The following RECQL5 variants were observed in gnomAD, a reference collection of about 807,000 sequenced individuals.
The protein encoded by RECQL5 is RecQ like helicase 5.
A neutral mutation model predicts 103.4 loss-of-function variants in RECQL5; 88 were observed. The ratio of observed to expected loss-of-function variants is 0.85; its 90% CI spans 0.72 to 1.02. The LOEUF (loss-of-function observed/expected upper bound fraction) is 1.02. Ranked by LOEUF, RECQL5 falls within the 50% of genes least tolerant of loss-of-function variation. The pLI, the probability that RECQL5 is intolerant of heterozygous loss-of-function variation, is 0.00. For missense variants in RECQL5, 1,232 were observed against 1,284.3 expected, an observed-to-expected ratio of 0.96 and a Z score of 0.62; for synonymous variants, 552 against 507.9, an observed-to-expected ratio of 1.09 and a Z score of -1.17.
intron 8 of RECQL5, chr17:75,646,323 C>T (rs2059488577): frequency 6.6e-6 from 1 of 152,428 alleles, no homozygotes; most frequent in Admixed American, 6.5e-5. Context: ...CGGGGCAGGT[C>T]CGCAGTCCAC....
chr17:75,659,144 C>A (rs977297553), intron 6 of RECQL5, among the ~76,000 whole-genome samples: 1 of 152,086 alleles, frequency 6.6e-6, no homozygotes, highest in Non-Finnish European at 1.5e-5. Context: ...TCACTGCAAC[C>A]TCCACCTCCC....
rs576340637 is a variant in RECQL5 at position 75,656,957 on chromosome 17, G to T, written c.1149+1341C>A. ...GACGGGGTTTCACCGTGTTAGTCAG[G>T]ATCGTCTTGATCTCCTGACCTCGTG... On this transcript the variant is annotated intron_variant, in intron 7 of 19. Transcript: ENST00000317905. Among the ~76,000 whole-genome samples, 210 of 152,166 alleles carry T rather than the reference G, an allele frequency of 1.4e-3. 2 individuals carry two copies. The highest frequency in any genetic ancestry group is 4.7e-3 in the African/African-American group (197 of 41,528).
At chr17:75,651,336 A>G in intron 7 of RECQL5, 71 bp from the exon 8 acceptor site, 1 of 1,575,804 alleles carries the variant, frequency 6.3e-7, no homozygotes, top group Non-Finnish European at 8.7e-7. Flanking sequence ...AAAAGTAATG[A>G]GGAGGCCGAG....
At chr17:75,633,311 G>A (rs577498565) in intron 8 of RECQL5, 3 of 585,344 alleles carry the variant, frequency 5.1e-6, no homozygotes, top group Admixed American at 3.9e-5. Flanking sequence ...CATTGACAGC[G>A]GGGCTGGGGT....
intron 8 of RECQL5, chr17:75,637,429 T>G (rs752921628): frequency 2.0e-5 from 3 of 152,258 alleles, no homozygotes; most frequent in Non-Finnish European, 2.9e-5. Context: ...ACTGTCGGCA[T>G]TGTCGTCCCT....
chr17:75,657,276 T>C (rs2059636034), intron 7 of RECQL5, among the ~76,000 whole-genome samples: 1 of 152,080 alleles, frequency 6.6e-6, no homozygotes, highest in Admixed American at 6.5e-5. Context: ...TCCCAGCGAC[T>C]TGAGAGGCAG....
chr17:75,628,354 C>A lies in RECQL5; in HGVS notation c.2669G>T (p.Ser890Ile), dbSNP rs928380682. 5 of 1,613,920 alleles carry A rather than the reference C, an allele frequency of 3.1e-6. No individual in the cohort carries two copies. In the African/African-American group the frequency reaches 4.0e-5, roughly 13 times the overall value. ...CGTGGGATTCAAGGTGCCCTGTTCG[C>A]TGGCCGAGACGCTGCCCTTGACCTC... ...VAEVKGSVSA[S>I]EQGTLNPTAQ... The change falls in exon 18 of 20, where the codon AGC (serine) becomes ATC (isoleucine). Residue 890 changes from serine (S) to isoleucine (I), a missense_variant. Coordinates refer to ENST00000317905, the MANE Select transcript of RECQL5 (RefSeq NM_004259.7).
At position 75,666,509 on chromosome 17, in the gene RECQL5, G is replaced by C; in HGVS notation, c.49C>G (p.Arg17Gly). Residue 17 changes from arginine (R) to glycine (G), a missense_variant, in exon 2 of 20, where the codon CGG (arginine) becomes GGG (glycine). Arg to Gly is a moderately radical substitution (Grantham distance 125, BLOSUM62 -2). Coordinates refer to ENST00000317905, the MANE Select transcript of RECQL5 (RefSeq NM_004259.7). ...TFPFDPERRV[R>G]STLKKVFGFD... ...CCAAAGACCTTCTTCAGCGTACTCC[G>C]GACTCGCCGCTCAGGGTCAAAAGGA... 8 of 1,614,098 alleles carry C rather than the reference G, an allele frequency of 5.0e-6. No individual in the cohort carries two copies. Among genetic ancestry groups the C allele is most frequent in the Non-Finnish European group, 6.8e-6 (8 of 1,180,010 alleles).
At chr17:75,647,029 T>G (rs930252828) in intron 8 of RECQL5, among the ~76,000 whole-genome samples, 4 of 152,212 alleles carry the variant, frequency 2.6e-5, no homozygotes, top group Admixed American at 6.5e-5. Context: ...GCTTTTTAGA[T>G]TCTAGCCAAG....
chr17:75,649,782 C>T (rs1218138058), intron 8 of RECQL5: 4 of 985,498 alleles, frequency 4.1e-6, no homozygotes, highest in South Asian at 9.4e-5. Flanking sequence ...GCAAAGGAGA[C>T]AGGCACGAGG....
At chr17:75,634,137 G>A (rs1487122516) in intron 8 of RECQL5, 4 of 985,410 alleles carry the variant, frequency 4.1e-6, no homozygotes, top group Admixed American at 6.1e-5. Context: ...AAGGAAGTAC[G>A]AGGACAGCAC....
At position 75,630,797 on chromosome 17, in the gene RECQL5, G is replaced by A. The variant is rs1214327419; in HGVS notation, c.1626C>T (p.Ile542=). 1 of 1,481,462 alleles carries A rather than the reference G, an allele frequency of 6.8e-7. No individual in the cohort carries two copies. The highest frequency in any genetic ancestry group is 1.2e-5 in the South Asian group (1 of 81,270). 91.8% of individuals were successfully genotyped at this position (1,481,462 alleles called of 1,614,324 possible). Residue 542 remains isoleucine, a synonymous_variant, in exon 12 of 20, where the codon ATC becomes ATT. Coordinates refer to ENST00000317905, the MANE Select transcript of RECQL5 (RefSeq NM_004259.7). ...CTCTTACCTTCACAGTCAGCCTGGG[G>A]ATCCTCCTGCTAGAAGCCTCTTTCA... ...CPLKEASSRR[I]PRLTVKAREH...
In RECQL5 at chr17:75,628,927, C is replaced by T. The variant is rs1568254357; in HGVS notation, c.2489+7G>A. ...CCAGAAGATTCTATGACTACCTGTA[C>T]CCTTACCTTGGCCTCTCCCTGAGGC... On this transcript the variant is annotated splice_region_variant and intron_variant, in intron 16 of 19. Transcript: ENST00000317905. The T allele has an allele frequency of 1.9e-6, 3 of 1,578,542 alleles. No homozygotes were observed. The highest frequency in any genetic ancestry group is 2.6e-6 in the Non-Finnish European group (3 of 1,169,552).
chr17:75,637,532 C>T (rs2059348638), intron 8 of RECQL5: 1 of 152,300 alleles, frequency 6.6e-6, no homozygotes, highest in Admixed American at 6.5e-5. Flanking sequence ...CAAGCCTGCT[C>T]CACCTGGCCA....
intron 8 of RECQL5, chr17:75,634,339 G>T: frequency 1.2e-6 from 1 of 827,216 alleles, no homozygotes; most frequent in Non-Finnish European, 1.5e-6. Flanking sequence ...TCCCTGCAGG[G>T]AAGTCAGCCA....
chr17:75,641,582 G>GA (rs1191347173), intron 8 of RECQL5, among the ~76,000 whole-genome samples: 1 of 152,234 alleles, frequency 6.6e-6, no homozygotes, highest in Non-Finnish European at 1.5e-5. Context: ...ACGGTGCCAT[G>GA]AAATTCCTGT....
At chr17:75,657,963 G>A (rs1377478979) in intron 7 of RECQL5, among the ~76,000 whole-genome samples, 1 of 151,934 alleles carries the variant, frequency 6.6e-6, no homozygotes, top group Non-Finnish European at 1.5e-5. Flanking sequence ...CAGAAGAATC[G>A]CTTGAACCCG....
intron 3 of RECQL5, among the ~76,000 whole-genome samples, chr17:75,663,806 G>C (rs2059730212): frequency 6.6e-6 from 1 of 152,108 alleles, no homozygotes; most frequent in Admixed American, 6.5e-5. Context: ...TGTAATTCCA[G>C]CGCTTTGAGA....
intron 7 of RECQL5, among the ~76,000 whole-genome samples, chr17:75,653,892 A>AAAAACAAAAC (rs376166113): frequency 6.6e-6 from 1 of 151,770 alleles, no homozygotes; most frequent in Non-Finnish European, 1.5e-5. Flanking sequence ...AGACTGTCTG[A>AAAAACAAAAC]AAAACAAAAC....
Sources: allele counts gnomAD v4.1 joint callset (sites outside exome capture counted in the v4.1 genomes callset), GRCh38; gene constraint gnomAD v4.1.1; transcripts MANE v1.5; gene names NCBI Gene and HGNC (gene_info 2026-07-23, HGNC 2026-07-21).